ILK: variants seen among roughly 807,000 people sequenced by gnomAD.
ILK encodes the protein scaffold protein ILK.
Under a neutral mutation model 57.8 loss-of-function variants are expected in ILK, and 37 were observed. The observed-to-expected ratio is 0.64, with a 90% CI of 0.49 to 0.84. The LOEUF is 0.84. Ranked by LOEUF, ILK falls within the 40% of genes least tolerant of loss-of-function variation. The pLI, the probability that ILK is intolerant of heterozygous loss-of-function variation, is 0.00. For synonymous variants in ILK, 231 were observed against 202.2 expected, an observed-to-expected ratio of 1.14 and a Z score of -1.21; for missense variants, 528 against 595.7, an observed-to-expected ratio of 0.89 and a Z score of 1.18.
At position 6,608,029 on chromosome 11, in the gene ILK, T is replaced by C. The variant is rs372812947; in HGVS notation, c.90-17T>C. 8.3e-5 allele frequency: 134 copies of C among 1,613,434 alleles called. No individual in the cohort carries two copies. The Middle Eastern group carries it at 2.6e-3, about 32-fold the overall frequency. On this transcript the variant is annotated splice_polypyrimidine_tract_variant and intron_variant, in intron 2 of 12. Transcript: ENST00000299421. The surrounding 1 kb of genome is among the most constrained non-coding windows in gnomAD (Gnocchi z 4.9). ...CATCCCACCTCCAGCTCAATGACCA[T>C]TGCCCCTTCCTCAAAGGGACGATCA...
intron 12 of ILK, 73 bp downstream of exon 12, chr11:6,610,351 G>A: frequency 6.2e-7 from 1 of 1,613,182 alleles, no homozygotes; most frequent in East Asian, 2.2e-5. Flanking sequence ...AGTGGGCCTT[G>A]GCTCCTCACA....
At chr11:6,606,349 G>A (rs1854907821) in intron 2 of ILK, 1 of 152,196 alleles carries the variant, frequency 6.6e-6, no homozygotes, top group South Asian at 2.1e-4. Context: ...TTTTAGGTTT[G>A]ACAGGTCAGG....
chr11:6,609,229 T>G, intron 7 of ILK, 70 bp from the exon 8 acceptor site: 1 of 1,602,852 alleles, frequency 6.2e-7, no homozygotes, highest in Non-Finnish European at 8.5e-7. Context: ...GTTTTAAGTT[T>G]TTCCTCCAGT....
chr11:6,604,537 C>A (rs534256287), intron 2 of ILK, 177 bp downstream of exon 2: 2 of 683,858 alleles, frequency 2.9e-6, no homozygotes, highest in South Asian at 1.6e-5. Context: ...TGAATCTTGA[C>A]TGCAGAATAA....
intron 2 of ILK, among the ~76,000 whole-genome samples, chr11:6,605,560 G>A (rs1218015184): frequency 6.6e-6 from 1 of 151,878 alleles, no homozygotes; most frequent in Admixed American, 6.6e-5. Context: ...TTGTTGGATG[G>A]GTAAACTCAG....
At chr11:6,609,269 C>G (rs1397801990) in intron 7 of ILK, 30 bp from the exon 8 acceptor site, 3 of 1,609,330 alleles carry the variant, frequency 1.9e-6, no homozygotes, top group Non-Finnish European at 2.6e-6. Context: ...AGCAACATTT[C>G]AAGCCTCCTA....
In ILK at chr11:6,608,690, C is replaced by T. The variant is rs1434508206; in HGVS notation, c.352-4C>T. 5.6e-6 allele frequency: 9 copies of T among 1,613,096 alleles called. No individual in the cohort carries two copies. The highest frequency in any genetic ancestry group is 6.8e-6 in the Non-Finnish European group (8 of 1,179,066). The stretch of plus-strand genomic sequence containing the variant: ...CTCTCATCATAATGGCCTTTTCATT[C>T]CAGGACCTGGTGGCAAATGGGGCCC... On this transcript the variant is annotated splice_region_variant and splice_polypyrimidine_tract_variant and intron_variant, in intron 4 of 12. Coordinates refer to ENST00000299421, the MANE Select transcript of ILK (RefSeq NM_004517.4). This position sits in a 1 kb window ranked among gnomAD's most constrained non-coding sequence, Gnocchi z 4.9.
chr11:6,607,792 G>A, intron 2 of ILK: 1 of 519,562 alleles, frequency 1.9e-6, no homozygotes, highest in Admixed American at 3.2e-5. Flanking sequence ...ACCACCTAAG[G>A]AAATGAGATG....
Position 6,608,600 on chromosome 11 carries a change from C to G in ILK, c.352-94C>G. 1 of 1,345,184 alleles carries G rather than the reference C, an allele frequency of 7.4e-7. No homozygotes were observed. The highest frequency in any genetic ancestry group is 1.1e-6 in the Non-Finnish European group (1 of 934,864). The allele number at this position is 1,345,184 out of a possible 1,614,324, so 83.3% of individuals were successfully genotyped here. ...TGTCAGTACTACTGTGTGACACTTA[C>G]AGGATTAAGTTCTACATTTGTGCAT... On this transcript the variant is annotated intron_variant, in intron 4 of 12. Coordinates refer to ENST00000299421, the MANE Select transcript of ILK (RefSeq NM_004517.4). The surrounding 1 kb of genome is among the most constrained non-coding windows in gnomAD (Gnocchi z 4.9).
At chr11:6,604,069 G>A in intron 1 of ILK, 111 bp from the exon 2 acceptor site, 1 of 628,280 alleles carries the variant, frequency 1.6e-6, no homozygotes, top group Non-Finnish European at 2.9e-6. Flanking sequence ...CTCGCGTCTA[G>A]AGGACACAGC....
intron 2 of ILK, chr11:6,605,025 G>A (rs1489542462): frequency 5.1e-6 from 2 of 393,564 alleles, no homozygotes; most frequent in Non-Finnish European, 1.0e-5. Flanking sequence ...AGTGAGTAAG[G>A]GCAAAGATGA....
intron 2 of ILK, chr11:6,607,707 T>A (rs548965062): frequency 1.1e-5 from 4 of 362,154 alleles, no homozygotes; most frequent in Non-Finnish European, 1.6e-5. Flanking sequence ...GGGGGACATA[T>A]AAGATGTGGT....
rs573043537 is a variant in ILK, at chr11:6,610,269, T to G, written c.1200T>G (p.Ile400Met). 6.2e-7 allele frequency: 1 copy of G among 1,614,086 alleles called. No homozygotes were observed. Among genetic ancestry groups the G allele is most frequent in the South Asian group, 1.1e-5 (1 of 91,090 alleles). Residue 400 changes from isoleucine (I) to methionine (M), a missense_variant, in exon 12 of 13, where the codon ATT becomes ATG. Ile to Met is a conservative substitution (Grantham distance 10, BLOSUM62 1). Transcript: ENST00000299421. ...VPFADLSNMEIGMKVALEGLR... is the reference protein window; with the variant it reads ...VPFADLSNMEMGMKVALEGLR... The stretch of plus-strand genomic sequence containing the variant: ...TTGCTGACCTCTCCAATATGGAGAT[T>G]GGAATGAAGGTGAGAGCACAACAGC...
chr11:6,608,608 A>G lies in ILK; in HGVS notation c.352-86A>G, dbSNP rs1855179838. 2.1e-5 allele frequency: 28 copies of G among 1,361,992 alleles called. No homozygotes were observed. The South Asian group carries it at 2.8e-4, about 14-fold the overall frequency. The allele number at this position is 1,361,992 out of a possible 1,614,324, so 84.4% of individuals were successfully genotyped here. ...CTACTGTGTGACACTTACAGGATTA[A>G]GTTCTACATTTGTGCATTCATGGTT... On this transcript the variant is annotated intron_variant, in intron 4 of 12. Transcript: ENST00000299421. This position sits in a 1 kb window ranked among gnomAD's most constrained non-coding sequence, Gnocchi z 4.9.
chr11:6,609,015 GC>G, intron 6 of ILK, 48 bp downstream of exon 6: 1 of 1,612,404 alleles, frequency 6.2e-7, no homozygotes, highest in Middle Eastern at 1.6e-4. Flanking sequence ...AATAATCCTG[GC>G]CTCTTGGGGC....
Position 6,609,561 on chromosome 11 carries a change from C to T in ILK, c.778C>T (p.Pro260Ser), listed in dbSNP as rs750354350. The change falls in exon 9 of 13, where the codon CCA (proline) becomes TCA (serine). Residue 260 changes from proline to serine, a missense_variant. Coordinates refer to ENST00000299421, the MANE Select transcript of ILK (RefSeq NM_004517.4). ...CCCAGTGCTAGGTGCCTGCCAGTCTCCACCTGCTCCTCATCCTACTCTCAT... is the reference window on the plus strand; with the variant it reads ...CCCAGTGCTAGGTGCCTGCCAGTCTTCACCTGCTCCTCATCCTACTCTCAT... ...VLPVLGACQS[P>S]PAPHPTLITH... 6.9e-5 allele frequency: 112 copies of T among 1,613,990 alleles called. No individual in the cohort carries two copies. The highest frequency in any genetic ancestry group is 9.2e-5 in the Non-Finnish European group (109 of 1,180,000).
Position 6,604,141 on chromosome 11 carries a change from A to G in ILK, c.-92-39A>G, listed in dbSNP as rs143318774. ...CCCCCACTAGCCGGGGACGCAGCTCAGGCCCCCTACCCCCAACACAAACAC... is the reference window on the plus strand; with the variant it reads ...CCCCCACTAGCCGGGGACGCAGCTCGGGCCCCCTACCCCCAACACAAACAC... On this transcript the variant is annotated intron_variant, in intron 1 of 12. Transcript: ENST00000299421. 987 of 829,908 alleles carry G rather than the reference A, an allele frequency of 1.2e-3. 11 individuals carry two copies. The African/African-American group carries it at 0.015, about 13-fold the overall frequency. The allele number at this position is 829,908 out of a possible 1,614,324, so 51.4% of individuals were successfully genotyped here. A position where few individuals can be genotyped will look rare whatever the true frequency, so the allele number is the denominator to read the frequency against.
chr11:6,610,263 G>T lies in ILK; in HGVS notation c.1194G>T (p.Met398Ile). 1.2e-6 allele frequency: 2 copies of T among 1,614,206 alleles called. No individual in the cohort carries two copies. Among genetic ancestry groups the T allele is most frequent in the Non-Finnish European group, 1.7e-6 (2 of 1,180,034 alleles). ...REVPFADLSN[M>I]EIGMKVALEG... ...TACCCTTTGCTGACCTCTCCAATAT[G>T]GAGATTGGAATGAAGGTGAGAGCAC... The change falls in exon 12 of 13, where the codon ATG becomes ATT. Residue 398 changes from methionine (M) to isoleucine (I), a missense_variant. By Grantham distance (10) the Met-to-Ile change is conservative. Coordinates refer to ENST00000299421, the MANE Select transcript of ILK (RefSeq NM_004517.4).
Position 6,609,375 on chromosome 11 carries a change from G to A in ILK, c.695G>A (p.Ser232Asn), listed in dbSNP as rs2134564162. 1 of 1,614,062 alleles carries A rather than the reference G, an allele frequency of 6.2e-7. No individual in the cohort carries two copies. Among genetic ancestry groups the A allele is most frequent in the Admixed American group, 1.7e-5 (1 of 60,020 alleles). ...LKVRDWSTRKSRDFNEECPRL... is the reference protein window; with the variant it reads ...LKVRDWSTRKNRDFNEECPRL... ...GTTCGAGACTGGAGTACAAGGAAGA[G>A]CAGGGACTTCAATGAAGAGTGTCCC... Residue 232 changes from serine to asparagine, a missense_variant, in exon 8 of 13, where the codon AGC becomes AAC. Physicochemically the swap from Ser to Asn is conservative, Grantham distance 46. Transcript: ENST00000299421.
Sources: gnomAD v4.1 joint callset for allele counts (sites outside exome capture counted in the v4.1 genomes callset) on GRCh38, gnomAD v4.1.1 for gene constraint, Gnocchi (gnomAD v3.1) non-coding constraint, MANE v1.5 for transcripts, NCBI Gene and HGNC (gene_info 2026-07-23, HGNC 2026-07-21) for gene names.